PDZD9: variants seen among roughly 807,000 people sequenced by gnomAD.
PDZD9 encodes PDZ domain-containing protein 9.
In PDZD9, 13 loss-of-function variants were observed where a neutral mutation model predicts 16.3. The observed-to-expected ratio is 0.80, with a 90% CI of 0.52 to 1.27. The LOEUF (loss-of-function observed/expected upper bound fraction) is 1.27, where lower values mean the gene tolerates loss of function less well. Among genes scored for constraint, PDZD9 ranks in the 50% most tolerant of loss-of-function variants. The pLI is 0.00. For missense variants in PDZD9, 288 were observed against 310.9 expected (o/e 0.93, Z 0.55); for synonymous variants, 120 against 111.0 (o/e 1.08, Z -0.51).
At chr16:21,962,231 T>G in the PDZD9 span, 1 of 548,536 alleles carries the variant, frequency 1.8e-6, no homozygotes, top group African/African-American at 1.9e-5. Flanking sequence ...GGTTCATCTG[T>G]GTTGTAACAT....
chr16:21,979,013 A>G (rs1898652271), downstream of PDZD9, among the ~76,000 whole-genome samples: 1 of 152,224 alleles, frequency 6.6e-6, no homozygotes, highest in Non-Finnish European at 1.5e-5. Flanking sequence ...TAAGAAGAAA[A>G]TAAACATGAG....
the PDZD9 span, chr16:21,958,425 A>ATCCTT: frequency 1.1e-6 from 1 of 940,010 alleles, no homozygotes; most frequent in Non-Finnish European, 1.7e-6. Context: ...GGATGCAGGA[A>ATCCTT]TTTAGTAAAA....
chr16:21,971,728 C>G, the PDZD9 span: 1 of 1,347,318 alleles, frequency 7.4e-7, no homozygotes, highest in Non-Finnish European at 1.0e-6. Context: ...ACAGTCTCGG[C>G]ATAGAATTGG....
the PDZD9 span, chr16:21,959,854 G>A: frequency 6.6e-6 from 1 of 152,214 alleles, no homozygotes; most frequent in Admixed American, 6.5e-5. Flanking sequence ...CTGCATCAGA[G>A]CTCTTGGCAT....
the PDZD9 span, chr16:21,958,663 TTTCTC>T: frequency 7.0e-7 from 1 of 1,429,450 alleles, no homozygotes; most frequent in Non-Finnish European, 9.8e-7. Flanking sequence ...TAAGGGAACT[TTTCTC>T]TGTTATCAAG....
the PDZD9 span, among the ~76,000 whole-genome samples, chr16:21,965,064 T>C: frequency 6.7e-6 from 1 of 149,800 alleles, no homozygotes; most frequent in Admixed American, 6.7e-5. Context: ...CAAGGTCACA[T>C]GGCAAGATGG....
chr16:21,982,349 C>T (rs1300734680), downstream of PDZD9, among the ~76,000 whole-genome samples: 1 of 152,116 alleles, frequency 6.6e-6, no homozygotes, highest in Non-Finnish European at 1.5e-5. Flanking sequence ...AAAGAATCCT[C>T]TAGGGTATCA....
chr16:21,983,091 G>T, downstream of PDZD9: 1 of 1,613,170 alleles, frequency 6.2e-7, no homozygotes, highest in South Asian at 1.1e-5. Context: ...TTTAAAGGCG[G>T]CAAAGAAGTT....
At chr16:21,970,124 A>G in the PDZD9 span, among the ~76,000 whole-genome samples, 3 of 152,156 alleles carry the variant, frequency 2.0e-5, no homozygotes, top group African/African-American at 4.8e-5. Flanking sequence ...AGGTCCGTCC[A>G]TATTGTAGCA....
At chr16:21,970,756 T>A in the PDZD9 span, among the ~76,000 whole-genome samples, 1 of 152,096 alleles carries the variant, frequency 6.6e-6, no homozygotes, top group Admixed American at 6.5e-5. Flanking sequence ...TGGCTAATTT[T>A]TGTAATTTTA....
intron 2 of PDZD9, among the ~76,000 whole-genome samples, chr16:21,994,595 A>C (rs1048167231): frequency 4.6e-5 from 7 of 152,350 alleles, no homozygotes; most frequent in African/African-American, 1.7e-4. Flanking sequence ...GTTACTAAAC[A>C]TCTGATTCCT....
chr16:21,981,910 G>A (rs1377580907), downstream of PDZD9, among the ~76,000 whole-genome samples: 1 of 149,122 alleles, frequency 6.7e-6, no homozygotes, highest in Non-Finnish European at 1.5e-5. Flanking sequence ...GCGCGATCTC[G>A]GCTCAGTACA....
At chr16:21,969,346 C>G in the PDZD9 span, among the ~76,000 whole-genome samples, 1 of 152,124 alleles carries the variant, frequency 6.6e-6, no homozygotes, top group African/African-American at 2.4e-5. Context: ...CCAGCCTAGC[C>G]AACATGGCGA....
chr16:21,978,068 C>T, the PDZD9 span, among the ~76,000 whole-genome samples: 1 of 152,150 alleles, frequency 6.6e-6, no homozygotes, highest in Non-Finnish European at 1.5e-5. Flanking sequence ...AAGTGTAACA[C>T]AGTTCTTACA....
At chr16:21,977,578 A>G in the PDZD9 span, among the ~76,000 whole-genome samples, 1 of 152,210 alleles carries the variant, frequency 6.6e-6, no homozygotes, top group African/African-American at 2.4e-5. Context: ...TGAAAGTGCT[A>G]TCAACACTCC....
the PDZD9 span, chr16:21,976,412 T>C: frequency 1.7e-6 from 1 of 588,950 alleles, no homozygotes; most frequent in Non-Finnish European, 2.8e-6. Flanking sequence ...TTGTTAACAT[T>C]TTGGCCAGGC....
intron 1 of PDZD9, among the ~76,000 whole-genome samples, chr16:22,000,568 C>A (rs1432469481): frequency 1.3e-5 from 2 of 151,866 alleles, no homozygotes; most frequent in Admixed American, 1.3e-4. Flanking sequence ...GGAAATTATA[C>A]CTTGATAAAA....
At chr16:21,961,273 A>G in the PDZD9 span, 1 of 425,070 alleles carries the variant, frequency 2.4e-6, no homozygotes, top group African/African-American at 2.0e-5. Flanking sequence ...TTTTAATCAC[A>G]TTCACAAAGG....
the PDZD9 span, among the ~76,000 whole-genome samples, chr16:21,961,654 ATATATATATATATATT>A: frequency 2.2e-5 from 2 of 89,618 alleles, no homozygotes; most frequent in Non-Finnish European, 4.2e-5. Context: ...ATATATATAT[ATATATATATATATATT>A]TTAGACAGTC....
Sources: gnomAD v4.1 joint callset for allele counts (sites outside exome capture counted in the v4.1 genomes callset) on GRCh38, gnomAD v4.1.1 for gene constraint, MANE v1.5 for transcripts, NCBI Gene and HGNC (gene_info 2026-07-23, HGNC 2026-07-21) for gene names.